The following SLC25A16 variants were observed in gnomAD, a reference collection of about 807,000 sequenced individuals.
SLC25A16 encodes solute carrier family 25 member 16.
SLC25A16 carries 39 observed loss-of-function variants against 41.5 expected under a neutral mutation model. The ratio of observed to expected loss-of-function variants is 0.94; its 90% confidence interval spans 0.73 to 1.23. SLC25A16 has a LOEUF of 1.23. Ranked by LOEUF, SLC25A16 falls within the 50% of genes most tolerant of loss-of-function variation. The probability of loss-of-function intolerance (pLI) is 0.00; values close to 1 mark genes in which losing one functional copy is unlikely to be tolerated. For synonymous variants in SLC25A16, 146 were observed against 147.8 expected (o/e 0.99, Z 0.09); for missense variants, 421 against 426.9 (o/e 0.99, Z 0.12).
rs757761875 is a variant in SLC25A16, at chr10:68,503,605, A to T, written c.421+27T>A. ...TTTTAATAGAAAATTAATTTGTCAG[A>T]AATAAAATATACCTAACTCCTCTTA... On this transcript the variant is annotated intron_variant, in intron 4 of 8. Coordinates refer to ENST00000609923, the MANE Select transcript of SLC25A16 (RefSeq NM_152707.4). 10 of 1,429,326 alleles carry T rather than the reference A, an allele frequency of 7.0e-6. No individual in the cohort carries two copies. In the East Asian group the frequency reaches 2.1e-4, roughly 29 times the overall value. The allele number at this position is 1,429,326 out of a possible 1,614,324, so 88.5% of individuals were successfully genotyped here.
At chr10:68,497,806 G>A (rs1016869939) in intron 4 of SLC25A16, among the ~76,000 whole-genome samples, 1 of 151,632 alleles carries the variant, frequency 6.6e-6, no homozygotes, top group Non-Finnish European at 1.5e-5. Context: ...TAGTAGAGAT[G>A]GGGTTTCACC....
rs2053357982 is a variant in SLC25A16, at chr10:68,527,455, C to G, written c.-80G>C. On this transcript the variant is annotated 5_prime_UTR_variant, in exon 1 of 9. Transcript: ENST00000609923. ...GGACCATAGCCGGAACAGGCGGTGA[C>G]AGGAGGCTGACCGCCCCGCCGGCGG... The G allele has an allele frequency of 7.4e-7, 1 of 1,355,554 alleles. No individual in the cohort carries two copies. Among genetic ancestry groups the G allele is most frequent in the South Asian group, 1.6e-5 (1 of 63,114 alleles). 84.0% of individuals were successfully genotyped at this position (1,355,554 alleles called of 1,614,324 possible).
At chr10:68,490,337 GA>G (rs1473435934) in intron 6 of SLC25A16, among the ~76,000 whole-genome samples, 3 of 150,754 alleles carry the variant, frequency 2.0e-5, no homozygotes, top group Non-Finnish European at 3.0e-5. Context: ...ACTGGGAAAA[GA>G]AGAGACTTTT....
intron 2 of SLC25A16, among the ~76,000 whole-genome samples, chr10:68,507,405 AG>A (rs1459135546): frequency 6.6e-6 from 1 of 152,066 alleles, no homozygotes; most frequent in East Asian, 1.9e-4. Flanking sequence ...GGAAGGATGA[AG>A]GAAGGTTTCA....
Position 68,497,136 on chromosome 10 carries a change from T to C in SLC25A16, c.422-3566A>G, listed in dbSNP as rs569567243. 7.5e-4 allele frequency among the ~76,000 whole-genome samples: 114 copies of C among 152,308 alleles called. No individual in the cohort carries two copies. In the Middle Eastern group the frequency reaches 0.01, roughly 14 times the overall value. ...CGCAACTTCTCAATGAATACGGAAG[T>C]GGATTTGTTCTCAAAGACAGCTTCT... On this transcript the variant is annotated intron_variant, in intron 4 of 8. Transcript: ENST00000609923.
intron 1 of SLC25A16, among the ~76,000 whole-genome samples, chr10:68,524,268 GCA>G (rs1221776082): frequency 4.0e-5 from 5 of 123,504 alleles, no homozygotes; most frequent in East Asian, 2.4e-4. Context: ...TGAGCCGAGA[GCA>G]CGCCACTGCA....
intron 4 of SLC25A16, chr10:68,496,755 G>T: frequency 1.2e-6 from 1 of 849,462 alleles, no homozygotes; most frequent in Non-Finnish European, 1.4e-6. Flanking sequence ...ATCATATTTA[G>T]AAAGTATGGT....
intron 4 of SLC25A16, among the ~76,000 whole-genome samples, chr10:68,495,981 A>C (rs1221065299): frequency 6.6e-6 from 1 of 152,104 alleles, no homozygotes; most frequent in Non-Finnish European, 1.5e-5. Flanking sequence ...GTGAGCTAAC[A>C]TATGTAAATG....
chr10:68,525,042 G>C (rs2053314684), intron 1 of SLC25A16, among the ~76,000 whole-genome samples: 1 of 152,018 alleles, frequency 6.6e-6, no homozygotes, highest in South Asian at 2.1e-4. Flanking sequence ...GTGAGACTCT[G>C]TCTCAAAACA....
At chr10:68,491,842 A>G (rs1275547925) in intron 6 of SLC25A16, among the ~76,000 whole-genome samples, 1 of 151,878 alleles carries the variant, frequency 6.6e-6, no homozygotes, top group Non-Finnish European at 1.5e-5. Context: ...TGACTGATTG[A>G]TTTAGAAATG....
At chr10:68,484,207 G>A (rs1289160210) in intron 8 of SLC25A16, among the ~76,000 whole-genome samples, 1 of 152,094 alleles carries the variant, frequency 6.6e-6, no homozygotes, top group Non-Finnish European at 1.5e-5. Context: ...TCCTTTTAAA[G>A]GATGTATATC....
rs183860138 is a variant in SLC25A16 at position 68,519,911 on chromosome 10, G to A, written c.131-3068C>T. Among the ~76,000 whole-genome samples the A allele has an allele frequency of 5.8e-3, 870 of 148,972 alleles. 9 individuals carry two copies. The highest frequency in any genetic ancestry group is 0.017 in the African/African-American group (687 of 40,784). ...GCCTGGGCGACAAGAACGAAACTCCGTCTCAAAAAAAAAGAGAGAAATTGT... is the reference window on the plus strand; with the variant it reads ...GCCTGGGCGACAAGAACGAAACTCCATCTCAAAAAAAAAGAGAGAAATTGT... On this transcript the variant is annotated intron_variant, in intron 1 of 8. Transcript: ENST00000609923.
At chr10:68,490,956 C>A (rs2052647669) in intron 6 of SLC25A16, among the ~76,000 whole-genome samples, 2 of 151,938 alleles carry the variant, frequency 1.3e-5, no homozygotes, top group Admixed American at 6.6e-5. Flanking sequence ...GTGGCATGAT[C>A]ACAGCTCGCT....
intron 4 of SLC25A16, among the ~76,000 whole-genome samples, chr10:68,494,529 G>C (rs1015776595): frequency 2.0e-5 from 3 of 147,420 alleles, no homozygotes; most frequent in African/African-American, 7.5e-5. Flanking sequence ...GGGGAGGAGA[G>C]AGAGAGACAG....
chr10:68,489,227 C>G (rs769671460), intron 6 of SLC25A16, among the ~76,000 whole-genome samples: 4 of 152,084 alleles, frequency 2.6e-5, no homozygotes, highest in Non-Finnish European at 5.9e-5. Context: ...TGAGATCACG[C>G]CATTGCACTC....
chr10:68,501,496 C>CA (rs911528868), intron 4 of SLC25A16, among the ~76,000 whole-genome samples: 50 of 60,964 alleles, frequency 8.2e-4, no homozygotes, highest in South Asian at 5.1e-3. Context: ...CAAACAAAAA[C>CA]AAAAAAAAAA....
intron 1 of SLC25A16, among the ~76,000 whole-genome samples, chr10:68,520,215 C>A (rs1245923688): frequency 1.3e-5 from 2 of 151,838 alleles, no homozygotes; most frequent in Non-Finnish European, 2.9e-5. Context: ...CCTCTACCTC[C>A]CAAAGTACTG....
chr10:68,513,867 A>G (rs571887744), intron 2 of SLC25A16, among the ~76,000 whole-genome samples: 2 of 150,860 alleles, frequency 1.3e-5, no homozygotes, highest in South Asian at 4.2e-4. Flanking sequence ...GCAACAGAGG[A>G]AGACTCCATC....
intron 4 of SLC25A16, among the ~76,000 whole-genome samples, chr10:68,494,202 C>T (rs1408274134): frequency 2.0e-5 from 3 of 152,126 alleles, no homozygotes; most frequent in African/African-American, 2.4e-5. Context: ...TGGTGGCTCA[C>T]GCCTGTAATC....
Sources: allele counts gnomAD v4.1 joint callset (sites outside exome capture counted in the v4.1 genomes callset), GRCh38; gene constraint gnomAD v4.1.1; transcripts MANE v1.5; gene names NCBI Gene and HGNC (gene_info 2026-07-23, HGNC 2026-07-21).